Variants in IL3RA observed in about 807,000 individuals in gnomAD.
IL3RA encodes interleukin 3 receptor subunit alpha.
Under a neutral mutation model 52.3 loss-of-function variants are expected in IL3RA, and 73 were observed. The ratio of observed to expected loss-of-function variants is 1.40; its 90% CI spans 1.16 to 1.70. The LOEUF is 1.70. Among genes scored for constraint, IL3RA ranks in the 40% most tolerant of loss-of-function variants. The probability of loss-of-function intolerance (pLI) is 0.00; values close to 1 mark genes in which losing one functional copy is unlikely to be tolerated. For missense variants in IL3RA, 664 were observed against 504.4 expected, an observed-to-expected ratio of 1.32 and a Z score of -3.03; for synonymous variants, 260 against 194.0, an observed-to-expected ratio of 1.34 and a Z score of -2.83.
chrX:1,346,539 C>T (rs1208017785), intron 3 of IL3RA, among the ~76,000 whole-genome samples: 2 of 146,934 alleles, frequency 1.4e-5, no homozygotes, highest in Non-Finnish European at 3.0e-5. Context: ...CCTGGGAGGC[C>T]GAGGTTGCAC....
Position 1,345,374 on chromosome X carries a change from G to C in IL3RA, c.123G>C (p.Trp41Cys). ...AAGCAAAGGCTCAGCAGTTGACCTGGGACCTTAACAGAAATGTGACCGATA... is the reference window on the plus strand; with the variant it reads ...AAGCAAAGGCTCAGCAGTTGACCTGCGACCTTAACAGAAATGTGACCGATA... ...RMKAKAQQLTWDLNRNVTDIE... is the reference protein window; with the variant it reads ...RMKAKAQQLTCDLNRNVTDIE... Residue 41 changes from tryptophan (W) to cysteine (C), a missense_variant, in exon 3 of 12, where the codon TGG becomes TGC. Physicochemically the swap from Trp to Cys is radical, Grantham distance 215 (BLOSUM62 -2). Coordinates refer to ENST00000331035, the MANE Select transcript of IL3RA (RefSeq NM_002183.4). The C allele has an allele frequency of 1.2e-6, 2 of 1,611,194 alleles. No individual in the cohort carries two copies. Among genetic ancestry groups the C allele is most frequent in the Non-Finnish European group, 8.5e-7 (1 of 1,178,278 alleles).
intron 3 of IL3RA, among the ~76,000 whole-genome samples, chrX:1,346,826 T>C (rs1221132222): frequency 6.6e-6 from 1 of 151,228 alleles, no homozygotes; most frequent in East Asian, 1.9e-4. Flanking sequence ...GAGAACCTAT[T>C]TGGTCCCCTC....
intron 2 of IL3RA, among the ~76,000 whole-genome samples, chrX:1,344,721 T>A (rs750225359): frequency 1.3e-5 from 2 of 150,426 alleles, no homozygotes; most frequent in East Asian, 4.0e-4. Flanking sequence ...TGCGGTGAGC[T>A]GAGATCGTGC....
At position 1,370,840 on chromosome X, in the gene IL3RA, AG is replaced by A. The variant is rs1337899013; in HGVS notation, c.874+5592del. 1.4e-4 allele frequency among the ~76,000 whole-genome samples: 10 copies of A among 71,266 alleles called. 3 individuals carry two copies. The Admixed American group carries it at 1.6e-3, about 12-fold the overall frequency. The allele number at this position is 71,266 out of a possible 152,430, so 46.8% of individuals were successfully genotyped here. ...AAGACGGCATCTCCAAGCCCAGGAG[AG>A]GGGCCTCAGGAGGAACCAGCACTGC... On this transcript the variant is annotated intron_variant, in intron 9 of 11. Transcript: ENST00000331035.
At chrX:1,342,323 A>G (rs17880352) in intron 2 of IL3RA, among the ~76,000 whole-genome samples, 137,086 of 151,656 alleles carry the variant, frequency 0.9, 62,359 homozygotes, top group Middle Eastern at 0.98. Flanking sequence ...GCACCACCAT[A>G]CCCGGCTAAT....
intron 9 of IL3RA, among the ~76,000 whole-genome samples, chrX:1,368,218 C>A (rs2149162711): frequency 6.6e-6 from 1 of 152,002 alleles, no homozygotes; most frequent in African/African-American, 2.4e-5. Flanking sequence ...GAGATCGCGC[C>A]ACTGTGCTCC....
chrX:1,358,957 A>G (rs2086945332), intron 8 of IL3RA, 70 bp downstream of exon 8: 2 of 1,034,852 alleles, frequency 1.9e-6, no homozygotes, highest in Non-Finnish European at 2.6e-6. Flanking sequence ...TATTAAGAAT[A>G]AAATGATAAA....
chrX:1,362,507 T>C (rs1380694137), intron 8 of IL3RA, among the ~76,000 whole-genome samples: 6 of 151,930 alleles, frequency 3.9e-5, no homozygotes, highest in Non-Finnish European at 7.4e-5. Flanking sequence ...TCTGTCTATG[T>C]CTGTTTTTCT....
intron 2 of IL3RA, among the ~76,000 whole-genome samples, chrX:1,343,054 G>C (rs17886010): frequency 0.027 from 4,050 of 151,890 alleles, 99 homozygotes; most frequent in Admixed American, 0.051. Flanking sequence ...CAGCCTGGGC[G>C]ACAGAGTGAG....
At chrX:1,353,070 A>C (rs1161126763) in intron 6 of IL3RA, among the ~76,000 whole-genome samples, 2 of 149,970 alleles carry the variant, frequency 1.3e-5, no homozygotes, top group African/African-American at 5.0e-5. Context: ...CATGGGTCCC[A>C]TCATTGGTCA....
rs1410097079 is a variant in IL3RA at position 1,353,970 on chromosome X, A to ACC, written c.616+1468_616+1469dup. On this transcript the variant is annotated intron_variant, in intron 6 of 11. Transcript: ENST00000331035. ...CCCCCCCCCCATCATGGGTCGTGGGACCCCCACCCCCATCATGGGTCATGG... is the reference window on the plus strand; with the variant it reads ...CCCCCCCCCCATCATGGGTCGTGGGACCCCCCCACCCCCATCATGGGTCATGG... Among the ~76,000 whole-genome samples, 90 of 37,640 alleles carry ACC rather than the reference A, an allele frequency of 2.4e-3. 6 individuals carry two copies. The highest frequency in any genetic ancestry group is 3.3e-3 in the African/African-American group (27 of 8,114). 24.7% of individuals were successfully genotyped at this position (37,640 alleles called of 152,430 possible). A position where few individuals can be genotyped will look rare whatever the true frequency, so the allele number is the denominator to read the frequency against.
In IL3RA at chrX:1,382,407, G is replaced by C. The variant is rs1303518042; in HGVS notation, c.1079G>C (p.Gly360Ala). 1.2e-6 allele frequency: 2 copies of C among 1,613,694 alleles called. No homozygotes were observed. Among genetic ancestry groups the C allele is most frequent in the Non-Finnish European group, 1.7e-6 (2 of 1,179,766 alleles). ...QNDKLVVWEAGKAGLEECLVT... is the reference protein window; with the variant it reads ...QNDKLVVWEAAKAGLEECLVT... ...TCTCTGCAGGTGGTCTGGGAGGCGGGCAAAGCCGGCCTGGAGGAGTGTCTG... is the reference window on the plus strand; with the variant it reads ...TCTCTGCAGGTGGTCTGGGAGGCGGCCAAAGCCGGCCTGGAGGAGTGTCTG... The change falls in exon 12 of 12, where the codon GGC becomes GCC. Residue 360 changes from glycine to alanine, a missense_variant. Coordinates refer to ENST00000331035, the MANE Select transcript of IL3RA (RefSeq NM_002183.4).
chrX:1,359,901 A>G (rs1439833620), intron 8 of IL3RA, among the ~76,000 whole-genome samples: 1 of 68,670 alleles, frequency 1.5e-5, no homozygotes, highest in South Asian at 4.8e-4. Flanking sequence ...TTCTCCCTCC[A>G]TCTCTCTGTC....
intron 6 of IL3RA, 90 bp downstream of exon 6, chrX:1,352,596 C>A: frequency 7.5e-7 from 1 of 1,333,422 alleles, no homozygotes; most frequent in South Asian, 1.4e-5. Flanking sequence ...CACGTGGCTC[C>A]CAACGCAGAC....
chrX:1,360,504 C>G (rs1423082730), intron 8 of IL3RA, among the ~76,000 whole-genome samples: 1 of 151,822 alleles, frequency 6.6e-6, no homozygotes, highest in Non-Finnish European at 1.5e-5. Context: ...ATCTCTCTCC[C>G]TTTCTCCTTC....
At chrX:1,359,562 C>G (rs2087008107) in intron 8 of IL3RA, among the ~76,000 whole-genome samples, 1 of 149,818 alleles carries the variant, frequency 6.7e-6, no homozygotes, top group East Asian at 2.0e-4. Context: ...GGCTCTCTCC[C>G]TGTGTCTATC....
chrX:1,382,184 T>C (rs1240462701), intron 11 of IL3RA, among the ~76,000 whole-genome samples: 1 of 55,390 alleles, frequency 1.8e-5, no homozygotes, highest in Non-Finnish European at 3.3e-5. Flanking sequence ...CTCCTGACCT[T>C]ATGGTCCGCT....
chrX:1,357,520 T>G (rs2086828815), intron 7 of IL3RA, among the ~76,000 whole-genome samples: 2 of 151,382 alleles, frequency 1.3e-5, no homozygotes, highest in Admixed American at 1.3e-4. Context: ...CCACCATGCC[T>G]GGCTAATTTT....
chrX:1,341,988 C>T (rs770113156), intron 2 of IL3RA, among the ~76,000 whole-genome samples, 159 bp downstream of exon 2: 3 of 152,128 alleles, frequency 2.0e-5, no homozygotes, highest in South Asian at 2.1e-4. Context: ...TCCCTGTACC[C>T]GTCACCAAGT....
Sources: gnomAD v4.1 joint callset for allele counts (sites outside exome capture counted in the v4.1 genomes callset) on GRCh38, gnomAD v4.1.1 for gene constraint, MANE v1.5 for transcripts, NCBI Gene and HGNC (gene_info 2026-07-23, HGNC 2026-07-21) for gene names.